Variants in LRRC37A2 observed in about 807,000 individuals in gnomAD.
LRRC37A2 encodes leucine rich repeat containing 37 member A2.
LRRC37A2 carries 9 observed loss-of-function variants against 68.8 expected under a neutral mutation model. The ratio of observed to expected loss-of-function variants is 0.13; its 90% confidence interval spans 0.08 to 0.23. LRRC37A2 has a LOEUF of 0.23. Ranked by LOEUF, LRRC37A2 falls within the 10% of genes least tolerant of loss-of-function variation. LRRC37A2 has a pLI of 1.00. For synonymous variants in LRRC37A2, 63 were observed against 367.6 expected (o/e 0.17, Z 9.48); for missense variants, 168 against 950.4 (o/e 0.18, Z 10.82).
At chr17:46,913,210 C>T in the LRRC37A2 span, among the ~76,000 whole-genome samples, 1 of 152,250 alleles carries the variant, frequency 6.6e-6, no homozygotes, top group Non-Finnish European at 1.5e-5. Flanking sequence ...TCTGAAATGC[C>T]AAGCAGGTAG....
the LRRC37A2 span, chr17:46,818,761 G>A: frequency 4.1e-6 from 3 of 736,352 alleles, no homozygotes; most frequent in East Asian, 5.4e-5. Flanking sequence ...GCGCGGAGCA[G>A]CCGGGTTTGA....
the LRRC37A2 span, among the ~76,000 whole-genome samples, chr17:46,870,091 T>A: frequency 2.0e-5 from 3 of 152,202 alleles, no homozygotes; most frequent in Non-Finnish European, 4.4e-5. Flanking sequence ...AAAATGGCAT[T>A]TGAGGCAGGT....
the LRRC37A2 span, among the ~76,000 whole-genome samples, chr17:46,891,498 G>A: frequency 1.3e-5 from 2 of 152,154 alleles, no homozygotes; most frequent in Middle Eastern, 3.2e-3. Flanking sequence ...CATCTGCAAC[G>A]TCCTCAGTTG....
the LRRC37A2 span, chr17:46,755,208 C>CA: frequency 1.3e-6 from 1 of 784,508 alleles, no homozygotes; most frequent in Admixed American, 1.9e-5. Flanking sequence ...AGTGACCTAG[C>CA]AGAGCATTGA....
chr17:46,769,999 G>C, the LRRC37A2 span: 4 of 1,597,672 alleles, frequency 2.5e-6, no homozygotes, highest in Admixed American at 7.0e-5. Context: ...TGACGGCGAA[G>C]GCCACGCCGG....
the LRRC37A2 span, among the ~76,000 whole-genome samples, chr17:46,976,795 A>T: frequency 1.3e-5 from 2 of 151,886 alleles, no homozygotes; most frequent in Non-Finnish European, 2.9e-5. Context: ...GGCAGCCCAG[A>T]CTCCAGATAA....
chr17:46,976,307 T>C, the LRRC37A2 span, among the ~76,000 whole-genome samples: 1 of 150,408 alleles, frequency 6.6e-6, no homozygotes, highest in Admixed American at 6.6e-5. Flanking sequence ...CCGAGGCGGG[T>C]GGATCACCTG....
At chr17:46,975,899 G>GGAAA in the LRRC37A2 span, among the ~76,000 whole-genome samples, 17 of 152,066 alleles carry the variant, frequency 1.1e-4, no homozygotes, top group South Asian at 3.5e-3. Flanking sequence ...GATAAAGGAA[G>GGAAA]GAAGGAAAGA....
At chr17:46,882,863 G>A in the LRRC37A2 span, among the ~76,000 whole-genome samples, 138 of 152,218 alleles carry the variant, frequency 9.1e-4, no homozygotes, top group African/African-American at 3.1e-3. Flanking sequence ...TGGCATGCAC[G>A]GTGTCCAGCA....
At chr17:46,858,637 G>C in the LRRC37A2 span, among the ~76,000 whole-genome samples, 1 of 152,058 alleles carries the variant, frequency 6.6e-6, no homozygotes, top group Non-Finnish European at 1.5e-5. Flanking sequence ...TTCTCATACA[G>C]CCCCTTCTCT....
chr17:46,963,680 C>T, the LRRC37A2 span: 1 of 152,190 alleles, frequency 6.6e-6, no homozygotes, highest in African/African-American at 2.4e-5. Flanking sequence ...CTGCTCACTG[C>T]CTGTCTTTTC....
chr17:46,947,657 T>C, the LRRC37A2 span, among the ~76,000 whole-genome samples: 1 of 152,202 alleles, frequency 6.6e-6, no homozygotes, highest in African/African-American at 2.4e-5. Flanking sequence ...CAGCCTGACC[T>C]TGGGCTAATC....
the LRRC37A2 span, among the ~76,000 whole-genome samples, chr17:46,982,738 G>C: frequency 2.0e-5 from 3 of 152,198 alleles, no homozygotes; most frequent in Admixed American, 2.0e-4. Context: ...GGAGCAGGAA[G>C]GGGGAGAGAG....
At chr17:46,938,575 T>C in the LRRC37A2 span, 42 of 1,613,780 alleles carry the variant, frequency 2.6e-5, no homozygotes, top group Non-Finnish European at 3.6e-5. Flanking sequence ...TGTTTGTTTT[T>C]TTTTCTGTTC....
chr17:46,764,677 C>G, the LRRC37A2 span: 1 of 152,262 alleles, frequency 6.6e-6, no homozygotes, highest in Non-Finnish European at 1.5e-5. Flanking sequence ...CAGAGACCAC[C>G]CATTGGGGTT....
At chr17:46,876,791 C>A in the LRRC37A2 span, 28 of 1,464,788 alleles carry the variant, frequency 1.9e-5, no homozygotes, top group Non-Finnish European at 2.4e-5. Context: ...CCAGCCGGCC[C>A]TCTGGGCAGA....
the LRRC37A2 span, among the ~76,000 whole-genome samples, chr17:46,844,753 TGGC>T: frequency 1.3e-5 from 2 of 152,228 alleles, no homozygotes; most frequent in East Asian, 3.8e-4. Context: ...TAGTAAATTA[TGGC>T]ATATTTTTAA....
the LRRC37A2 span, chr17:46,872,712 T>C: frequency 6.2e-7 from 1 of 1,612,586 alleles, no homozygotes; most frequent in East Asian, 2.2e-5. Flanking sequence ...AGTGCCAGTT[T>C]CAGTTCCGGC....
At chr17:47,017,307 C>T in the LRRC37A2 span, 138 of 1,607,318 alleles carry the variant, frequency 8.6e-5, 2 homozygotes, top group South Asian at 8.6e-4. Flanking sequence ...GGAGGCTCAG[C>T]CTCTGGAGTG....
Sources: gnomAD v4.1 joint callset for allele counts (sites outside exome capture counted in the v4.1 genomes callset) on GRCh38, gnomAD v4.1.1 for gene constraint, MANE v1.5 for transcripts, NCBI Gene and HGNC (gene_info 2026-07-23, HGNC 2026-07-21) for gene names.